Variants in ZMYND8 observed in about 807,000 individuals in gnomAD.
The protein encoded by ZMYND8 is zinc finger MYND-type containing 8.
ZMYND8 carries 37 observed loss-of-function variants against 140.8 expected under a neutral mutation model. That is an observed-to-expected ratio of 0.26 (90% CI 0.20 to 0.35). The LOEUF (loss-of-function observed/expected upper bound fraction) is 0.35, where lower values mean the gene tolerates loss of function less well. Among genes scored for constraint, ZMYND8 ranks in the 10% least tolerant of loss-of-function variants. The pLI is 1.00. For synonymous variants in ZMYND8, 592 were observed against 597.1 expected (o/e 0.99, Z 0.12); for missense variants, 1,068 against 1,570.0 (o/e 0.68, Z 5.40).
chr20:47,250,462 G>A (rs1307757424), intron 12 of ZMYND8, among the ~76,000 whole-genome samples: 1 of 152,164 alleles, frequency 6.6e-6, no homozygotes, highest in African/African-American at 2.4e-5. Context: ...CAGAAAGCAG[G>A]TGGAATCCAA....
In ZMYND8 at chr20:47,239,048, G is replaced by A. The variant is rs777043855; in HGVS notation, c.2375C>T (p.Ala792Val). 230 of 1,577,856 alleles carry A rather than the reference G, an allele frequency of 1.5e-4. 1 individual carries two copies. The highest frequency in any genetic ancestry group is 1.8e-4 in the Non-Finnish European group (204 of 1,159,712). Reference sequence around the variant, plus strand: ...GCTGGTGGTGGCTGTGGCGCCAGCCGCGGAAGTTTGGGCGGAAGAGCGGGT... The same window carrying A: ...GCTGGTGGTGGCTGTGGCGCCAGCCACGGAAGTTTGGGCGGAAGAGCGGGT... ...VLTRSSAQTS[A>V]AGATATTSTS... The change falls in exon 15 of 23, where the codon GCG becomes GTG. Residue 792 changes from alanine (A) to valine (V), a missense_variant. This residue lies in a region of ZMYND8 where 383 missense variants were observed against 431.2 expected (regional missense o/e 0.89). Coordinates refer to ENST00000471951, the MANE Select transcript of ZMYND8 (RefSeq NM_001281775.3).
At chr20:47,316,999 G>T (rs934382761) in intron 2 of ZMYND8, among the ~76,000 whole-genome samples, 2 of 152,074 alleles carry the variant, frequency 1.3e-5, no homozygotes, top group African/African-American at 4.8e-5. Flanking sequence ...CAGGCAGTGG[G>T]ACTCCGAGGG....
chr20:47,340,193 G>C (rs538753690), intron 2 of ZMYND8, among the ~76,000 whole-genome samples: 1 of 152,142 alleles, frequency 6.6e-6, no homozygotes, highest in East Asian at 1.9e-4. Flanking sequence ...GCCTCTCAAA[G>C]TGCTTGGCCT....
chr20:47,283,530 A>G, intron 9 of ZMYND8, 41 bp downstream of exon 9: 1 of 1,607,646 alleles, frequency 6.2e-7, no homozygotes. Flanking sequence ...TCCAAGGCAC[A>G]GGGTTCAGTA....
At chr20:47,227,607 G>T (rs530817319) in intron 17 of ZMYND8, among the ~76,000 whole-genome samples, 1 of 151,932 alleles carries the variant, frequency 6.6e-6, no homozygotes, top group East Asian at 1.9e-4. Context: ...CAAATACAAA[G>T]ATAGCTGGAT....
At chr20:47,354,011 G>T (rs1380635426) in intron 1 of ZMYND8, 1 of 152,126 alleles carries the variant, frequency 6.6e-6, no homozygotes. Flanking sequence ...ACCCCATTGG[G>T]CTGCTCTGGG....
chr20:47,309,524 G>C (rs1452738946), intron 3 of ZMYND8, among the ~76,000 whole-genome samples: 1 of 151,996 alleles, frequency 6.6e-6, no homozygotes, highest in Non-Finnish European at 1.5e-5. Context: ...GGCCAGGATG[G>C]TCTCAATCTC....
At chr20:47,278,069 C>T (rs1210694996) in intron 10 of ZMYND8, among the ~76,000 whole-genome samples, 2 of 152,148 alleles carry the variant, frequency 1.3e-5, no homozygotes, top group Non-Finnish European at 2.9e-5. Context: ...AACTCCTGGA[C>T]TCAAGGAATC....
At chr20:47,266,785 T>C (rs559757691) in intron 11 of ZMYND8, among the ~76,000 whole-genome samples, 1 of 152,284 alleles carries the variant, frequency 6.6e-6, no homozygotes, top group African/African-American at 2.4e-5. Flanking sequence ...AAAAATCTTA[T>C]CTTACTATTC....
chr20:47,229,899 G>C, intron 16 of ZMYND8, 93 bp from the exon 17 acceptor site: 1 of 1,187,220 alleles, frequency 8.4e-7, no homozygotes, highest in South Asian at 1.5e-5. Flanking sequence ...TAAAGCAGAG[G>C]TTCTCAACTT....
intron 2 of ZMYND8, among the ~76,000 whole-genome samples, chr20:47,327,014 G>A (rs983679800): frequency 6.6e-6 from 1 of 152,154 alleles, no homozygotes. Flanking sequence ...TTACGGGAGG[G>A]TCATTAAGGA....
chr20:47,266,969 C>G (rs1231793444), intron 11 of ZMYND8, among the ~76,000 whole-genome samples: 1 of 152,156 alleles, frequency 6.6e-6, no homozygotes, highest in Non-Finnish European at 1.5e-5. Context: ...TGTGCACAAG[C>G]AGCACTGTTC....
chr20:47,306,058 C>T (rs2078456723), intron 3 of ZMYND8, among the ~76,000 whole-genome samples: 1 of 152,142 alleles, frequency 6.6e-6, no homozygotes, highest in Non-Finnish European at 1.5e-5. Flanking sequence ...CCTTAGGATG[C>T]TTTTAAACCC....
intron 2 of ZMYND8, among the ~76,000 whole-genome samples, chr20:47,347,392 G>A (rs942193856): frequency 9.2e-5 from 14 of 152,142 alleles, no homozygotes; most frequent in African/African-American, 2.2e-4. Flanking sequence ...CACTGGCCCC[G>A]GCATCCCAGC....
chr20:47,248,407 G>A (rs2073902770), intron 13 of ZMYND8, among the ~76,000 whole-genome samples: 1 of 152,178 alleles, frequency 6.6e-6, no homozygotes, highest in South Asian at 2.1e-4. Flanking sequence ...GGGAGCTGTT[G>A]TCCTCTGGAT....
At chr20:47,249,871 A>C (rs76293966) in intron 12 of ZMYND8, among the ~76,000 whole-genome samples, 3,038 of 152,208 alleles carry the variant, frequency 0.02, 103 homozygotes, top group African/African-American at 0.069. Context: ...GTATCCAAGA[A>C]AGATGGCGAC....
intron 21 of ZMYND8, 37 bp downstream of exon 21, chr20:47,220,221 T>C: frequency 6.6e-7 from 1 of 1,525,112 alleles, no homozygotes; most frequent in Non-Finnish European, 8.9e-7. Flanking sequence ...CCATCTGAAA[T>C]GTGAAAGCAC....
chr20:47,344,565 G>A lies in ZMYND8; in HGVS notation c.85+3291C>T, dbSNP rs573816076. ...TAAATGTAATGAGGAATCCTGAGTG[G>A]GATTCTAAAACGGAAAAGGGACTTT... On this transcript the variant is annotated intron_variant, in intron 2 of 22. Coordinates refer to ENST00000471951, the MANE Select transcript of ZMYND8 (RefSeq NM_001281775.3). 3.3e-5 allele frequency among the ~76,000 whole-genome samples: 5 copies of A among 152,240 alleles called. No individual in the cohort carries two copies. In the East Asian group the frequency reaches 7.7e-4, roughly 23 times the overall value.
intron 2 of ZMYND8, among the ~76,000 whole-genome samples, chr20:47,339,469 C>T (rs2081653970): frequency 6.6e-6 from 1 of 152,094 alleles, no homozygotes; most frequent in African/African-American, 2.4e-5. Context: ...TGAGCAGCCA[C>T]CCTGTCCCAA....
Sources: allele counts gnomAD v4.1 joint callset (sites outside exome capture counted in the v4.1 genomes callset), GRCh38; gene constraint gnomAD v4.1.1; regional missense constraint gnomAD v4.1.1; transcripts MANE v1.5; gene names NCBI Gene and HGNC (gene_info 2026-07-23, HGNC 2026-07-21).